The following TBC1D14 variants were observed in gnomAD, a reference collection of about 807,000 sequenced individuals.
TBC1D14 encodes TBC1 domain family, member 14.
Under a neutral mutation model 79.0 loss-of-function variants are expected in TBC1D14, and 26 were observed. That is an observed-to-expected ratio of 0.33 (90% CI 0.24 to 0.46). The LOEUF (loss-of-function observed/expected upper bound fraction) is 0.46. TBC1D14 is among the 20% of genes least tolerant of loss of function. The probability of loss-of-function intolerance (pLI) is 1.00; values close to 1 mark genes in which losing one functional copy is unlikely to be tolerated. For missense variants in TBC1D14, 769 were observed against 887.6 expected (o/e 0.87, Z 1.70); for synonymous variants, 394 against 349.9 (o/e 1.13, Z -1.40).
chr4:7,012,291 G>C (rs796501602), intron 11 of TBC1D14, among the ~76,000 whole-genome samples: 4 of 131,126 alleles, frequency 3.1e-5, no homozygotes, highest in African/African-American at 1.2e-4. Flanking sequence ...GACAGAGCGA[G>C]ACCCCATCTC....
intron 12 of TBC1D14, among the ~76,000 whole-genome samples, chr4:7,019,647 C>G (rs1292962105): frequency 6.6e-6 from 1 of 152,236 alleles, no homozygotes; most frequent in African/African-American, 2.4e-5. Context: ...TGTTTACTTT[C>G]ATGTCTGTTG....
intron 12 of TBC1D14, among the ~76,000 whole-genome samples, chr4:7,019,374 CGTTTCTG>C (rs1721587523): frequency 1.3e-5 from 2 of 151,964 alleles, no homozygotes; most frequent in Non-Finnish European, 2.9e-5. Context: ...GGGAGGTTTC[CGTTTCTG>C]CTGCCTCTTG....
At chr4:6,919,756 G>T (rs1219968504) in intron 1 of TBC1D14, among the ~76,000 whole-genome samples, 2 of 152,146 alleles carry the variant, frequency 1.3e-5, no homozygotes, top group South Asian at 4.2e-4. Context: ...GAGTAGCTAG[G>T]ATTACAGGCG....
intron 3 of TBC1D14, among the ~76,000 whole-genome samples, chr4:6,989,611 G>A (rs772318798): frequency 6.6e-6 from 1 of 152,174 alleles, no homozygotes; most frequent in Non-Finnish European, 1.5e-5. Flanking sequence ...TGCCTGCATC[G>A]TATTGCCCCT....
intron 6 of TBC1D14, among the ~76,000 whole-genome samples, chr4:6,999,477 G>T (rs1182290808): frequency 6.6e-6 from 1 of 152,082 alleles, no homozygotes; most frequent in Non-Finnish European, 1.5e-5. Flanking sequence ...TAGAATTTCA[G>T]TAACTTCCTG....
chr4:7,030,297 A>G (rs1722923089), intron 13 of TBC1D14, 30 bp from the exon 14 acceptor site: 2 of 1,611,078 alleles, frequency 1.2e-6, no homozygotes, highest in East Asian at 4.5e-5. Context: ...GTGGTCACTT[A>G]ACCTCAGCTG....
At chr4:6,999,280 T>C in intron 6 of TBC1D14, 78 bp downstream of exon 6, 3 of 1,271,452 alleles carry the variant, frequency 2.4e-6, no homozygotes. Flanking sequence ...GTAGTCGTCA[T>C]AGCCAGCAGT....
intron 7 of TBC1D14, among the ~76,000 whole-genome samples, chr4:7,004,457 G>A (rs902303337): frequency 6.6e-6 from 1 of 152,200 alleles, no homozygotes; most frequent in East Asian, 1.9e-4. Flanking sequence ...TTCCTTGATT[G>A]GGTTGCTCTG....
intron 2 of TBC1D14, among the ~76,000 whole-genome samples, chr4:6,943,251 A>AAAG (rs1338996788): frequency 9.9e-5 from 15 of 152,190 alleles, no homozygotes; most frequent in Non-Finnish European, 2.2e-4. Context: ...GGAAGCCAGG[A>AAAG]AAGAGGACTG....
At position 6,996,405 on chromosome 4, in the gene TBC1D14, G is replaced by A; in HGVS notation, c.1043G>A (p.Arg348Gln). 1.2e-6 allele frequency: 2 copies of A among 1,612,640 alleles called. No homozygotes were observed. The highest frequency in any genetic ancestry group is 1.1e-5 in the South Asian group (1 of 91,036). ...GAAATGGTGGTTCAGGCCAAAAAGC[G>A]AGGTAATGGGGTTCACACTTGATGG... ...YEEMVVQAKK[R>Q]ELKEAQRRKK... The change falls in exon 5 of 14, where the codon CGA becomes CAA. Residue 348 changes from arginine to glutamine, a missense_variant and splice_region_variant. This residue lies in a region of TBC1D14 where 367 missense variants were observed against 494.4 expected (regional missense o/e 0.74). Coordinates refer to ENST00000409757, the MANE Select transcript of TBC1D14 (RefSeq NM_020773.3).
chr4:7,027,648 A>G (rs376120596), intron 13 of TBC1D14, among the ~76,000 whole-genome samples: 37 of 126,290 alleles, frequency 2.9e-4, no homozygotes, highest in South Asian at 1.8e-3. Flanking sequence ...CACACATCAC[A>G]CACCCCCACA....
At chr4:6,931,004 G>A (rs1711671467) in intron 2 of TBC1D14, among the ~76,000 whole-genome samples, 1 of 152,002 alleles carries the variant, frequency 6.6e-6, no homozygotes, top group Non-Finnish European at 1.5e-5. Flanking sequence ...GGGTTCAAAC[G>A]CTTCTCCTGC....
chr4:7,014,809 G>A (rs544472356), intron 12 of TBC1D14, among the ~76,000 whole-genome samples: 20 of 152,342 alleles, frequency 1.3e-4, no homozygotes, highest in Admixed American at 4.6e-4. Context: ...TAAAGGACCC[G>A]TCCTAAGCAC....
chr4:6,916,590 T>C (rs1017953300), intron 1 of TBC1D14, among the ~76,000 whole-genome samples: 2 of 152,230 alleles, frequency 1.3e-5, no homozygotes, highest in Admixed American at 1.3e-4. Context: ...CACCCTCCGC[T>C]TTCTGACTTG....
intron 1 of TBC1D14, among the ~76,000 whole-genome samples, chr4:6,916,653 G>C (rs796429626): frequency 6.6e-6 from 1 of 152,120 alleles, no homozygotes; most frequent in South Asian, 2.1e-4. Context: ...TGAATCCCTC[G>C]GGGGCAGCTG....
At chr4:7,029,483 C>T (rs946694765) in intron 13 of TBC1D14, among the ~76,000 whole-genome samples, 8 of 152,350 alleles carry the variant, frequency 5.3e-5, no homozygotes, top group South Asian at 2.1e-4. Context: ...CTCTGCTTGG[C>T]GTGGAGCCTG....
At chr4:7,004,257 A>T (rs180855463) in intron 7 of TBC1D14, among the ~76,000 whole-genome samples, 1 of 152,332 alleles carries the variant, frequency 6.6e-6, no homozygotes, top group East Asian at 1.9e-4. Flanking sequence ...GGCTGTCATG[A>T]TCCTTCTCTG....
chr4:6,971,827 C>T (rs572370369), intron 3 of TBC1D14, among the ~76,000 whole-genome samples: 6 of 152,304 alleles, frequency 3.9e-5, no homozygotes, highest in Admixed American at 3.3e-4. Flanking sequence ...TAAGAACTAT[C>T]GGTATGCAGG....
intron 1 of TBC1D14, among the ~76,000 whole-genome samples, chr4:6,912,416 A>T (rs1723077365): frequency 1.3e-5 from 2 of 152,204 alleles, no homozygotes; most frequent in African/African-American, 4.8e-5. Context: ...AAAAAAATAA[A>T]AAATAAATTT....
Sources: allele counts gnomAD v4.1 joint callset (sites outside exome capture counted in the v4.1 genomes callset), GRCh38; gene constraint gnomAD v4.1.1; regional missense constraint gnomAD v4.1.1; transcripts MANE v1.5; gene names NCBI Gene and HGNC (gene_info 2026-07-23, HGNC 2026-07-21).